IMMP2L: variants seen among roughly 807,000 people sequenced by gnomAD.
IMMP2L encodes the protein mitochondrial inner membrane protease subunit 2.
Under a neutral mutation model 19.3 loss-of-function variants are expected in IMMP2L, and 18 were observed. That is an observed-to-expected ratio of 0.93 (90% CI 0.64 to 1.38). The LOEUF is 1.38. Among genes scored for constraint, IMMP2L ranks in the 40% most tolerant of loss-of-function variants. The probability of loss-of-function intolerance (pLI) is 0.00; values close to 1 mark genes in which losing one functional copy is unlikely to be tolerated. For synonymous variants in IMMP2L, 76 were observed against 73.0 expected, an observed-to-expected ratio of 1.04 and a Z score of -0.21; for missense variants, 233 against 218.2, an observed-to-expected ratio of 1.07 and a Z score of -0.43.
intron 4 of IMMP2L, among the ~76,000 whole-genome samples, chr7:110,950,858 A>ATATATATATATATATATG (rs1554470744): frequency 3.7e-5 from 5 of 136,294 alleles, no homozygotes; most frequent in African/African-American, 8.7e-5. Flanking sequence ...ATATATATAT[A>ATATATATATATATATATG]TATATATATA....
chr7:111,060,120 A>G (rs1157187013), intron 3 of IMMP2L, among the ~76,000 whole-genome samples: 1 of 152,162 alleles, frequency 6.6e-6, no homozygotes, highest in Non-Finnish European at 1.5e-5. Context: ...AACCCAAAGA[A>G]GCCAAAAAAG....
At chr7:111,557,947 T>C (rs1791566254) in intron 1 of IMMP2L, among the ~76,000 whole-genome samples, 2 of 151,938 alleles carry the variant, frequency 1.3e-5, no homozygotes, top group Admixed American at 1.3e-4. Flanking sequence ...CGTACAGACA[T>C]CTTTAGTACA....
chr7:111,067,639 G>C (rs78676646), intron 3 of IMMP2L, among the ~76,000 whole-genome samples: 3,113 of 152,008 alleles, frequency 0.02, 42 homozygotes, highest in Middle Eastern at 0.041. Flanking sequence ...TTTACTGTTG[G>C]CAAGGTCACC....
chr7:110,979,010 T>C (rs1297646108), intron 3 of IMMP2L, among the ~76,000 whole-genome samples: 2 of 152,050 alleles, frequency 1.3e-5, no homozygotes, highest in Non-Finnish European at 2.9e-5. Flanking sequence ...ATGGACTATA[T>C]AGAAAATTAA....
chr7:111,126,788 T>TA (rs542650361), intron 3 of IMMP2L, among the ~76,000 whole-genome samples: 3 of 152,216 alleles, frequency 2.0e-5, no homozygotes, highest in Non-Finnish European at 2.9e-5. Flanking sequence ...CCACAGTTTT[T>TA]ATAGGCAAAT....
At chr7:111,421,369 A>C (rs1286590570) in intron 3 of IMMP2L, among the ~76,000 whole-genome samples, 1 of 143,924 alleles carries the variant, frequency 6.9e-6, no homozygotes, top group Non-Finnish European at 1.5e-5. Context: ...TCCCGGGTTC[A>C]CGCCATTCTC....
chr7:111,124,224 T>C (rs574216340), intron 3 of IMMP2L: 6 of 1,613,986 alleles, frequency 3.7e-6, no homozygotes, highest in African/African-American at 2.7e-5. Flanking sequence ...TAGATATAAA[T>C]GGCGTAACTC....
intron 3 of IMMP2L, among the ~76,000 whole-genome samples, chr7:111,079,192 A>G (rs1795673254): frequency 6.8e-6 from 1 of 146,402 alleles, no homozygotes; most frequent in South Asian, 2.2e-4. Flanking sequence ...ATCTCGGCTC[A>G]CTGCAAGCTC....
chr7:111,448,885 C>T (rs1337084673), intron 3 of IMMP2L, among the ~76,000 whole-genome samples: 5 of 128,546 alleles, frequency 3.9e-5, no homozygotes, highest in Non-Finnish European at 1.6e-5. Context: ...ATATCACCAC[C>T]GATCCCACAG....
chr7:110,828,858 CCAAA>C (rs1479888631), intron 5 of IMMP2L, among the ~76,000 whole-genome samples: 3 of 152,060 alleles, frequency 2.0e-5, no homozygotes, highest in Non-Finnish European at 4.4e-5. Flanking sequence ...ATGCTTGTAA[CCAAA>C]CAAATATTAG....
At chr7:110,893,851 G>A (rs919116092) in intron 4 of IMMP2L, among the ~76,000 whole-genome samples, 2 of 151,990 alleles carry the variant, frequency 1.3e-5, no homozygotes, top group African/African-American at 4.8e-5. Context: ...TTTTTAAAAG[G>A]AAAAAATGAT....
chr7:111,004,423 G>C (rs1041855100), intron 3 of IMMP2L, among the ~76,000 whole-genome samples: 1 of 151,932 alleles, frequency 6.6e-6, no homozygotes, highest in Non-Finnish European at 1.5e-5. Flanking sequence ...TCTTGGCCTC[G>C]CAAAGTGCTG....
intron 5 of IMMP2L, among the ~76,000 whole-genome samples, chr7:110,696,418 T>C (rs990021202): frequency 8.9e-6 from 1 of 111,970 alleles, no homozygotes; most frequent in Non-Finnish European, 2.0e-5. Context: ...GAGACATTCC[T>C]TTTTCTCTTT....
chr7:111,145,710 T>C (rs1374373313), intron 3 of IMMP2L, among the ~76,000 whole-genome samples: 1 of 152,060 alleles, frequency 6.6e-6, no homozygotes, highest in East Asian at 1.9e-4. Context: ...TGCAAAGACT[T>C]AAGTAATACT....
chr7:110,755,496 A>G (rs1010926371), intron 5 of IMMP2L, among the ~76,000 whole-genome samples: 3 of 152,128 alleles, frequency 2.0e-5, no homozygotes, highest in Non-Finnish European at 4.4e-5. Context: ...ATTGTGTGAT[A>G]GCCACAATCT....
chr7:110,932,741 C>T (rs1815648644), intron 4 of IMMP2L, among the ~76,000 whole-genome samples: 1 of 152,138 alleles, frequency 6.6e-6, no homozygotes, highest in African/African-American at 2.4e-5. Context: ...AATATGTCAC[C>T]TACATTTTCC....
chr7:111,551,495 G>GAGGT (rs1849449528), intron 1 of IMMP2L, among the ~76,000 whole-genome samples: 1 of 145,248 alleles, frequency 6.9e-6, no homozygotes, highest in Non-Finnish European at 1.5e-5. Context: ...GACTGTTAGA[G>GAGGT]GTGTGTGTGT....
chr7:111,290,823 TACAA>T lies in IMMP2L; in HGVS notation c.239+196411_239+196414del, dbSNP rs1385952004. Among the ~76,000 whole-genome samples, 132 of 108,294 alleles carry T rather than the reference TACAA, an allele frequency of 1.2e-3. 1 individual carries two copies. Among genetic ancestry groups the T allele is most frequent in the African/African-American group, 5.6e-3 (126 of 22,344 alleles). 71.0% of individuals were successfully genotyped at this position (108,294 alleles called of 152,430 possible). On this transcript the variant is annotated intron_variant, in intron 3 of 5. Coordinates refer to ENST00000405709, the MANE Select transcript of IMMP2L (RefSeq NM_032549.4). ...CTCTCTCTCTCACTATATATATATA[TACAA>T]ACACACACACACACACACACACACA...
chr7:111,069,848 C>G (rs1563211216), intron 3 of IMMP2L, among the ~76,000 whole-genome samples: 2 of 152,224 alleles, frequency 1.3e-5, no homozygotes, highest in Non-Finnish European at 2.9e-5. Context: ...TGCTATTGAA[C>G]AAGTTTCCAG....
Sources: gnomAD v4.1 joint callset for allele counts (sites outside exome capture counted in the v4.1 genomes callset) on GRCh38, gnomAD v4.1.1 for gene constraint, MANE v1.5 for transcripts, NCBI Gene and HGNC (gene_info 2026-07-23, HGNC 2026-07-21) for gene names.